The following ITPR1 variants were observed in gnomAD, a reference collection of about 807,000 sequenced individuals.
ITPR1 encodes inositol 1,4,5-trisphosphate receptor type 1, also known as inositol 1,4,5-trisphosphate-gated calcium channel ITPR1.
A neutral mutation model predicts 318.4 loss-of-function variants in ITPR1; 96 were observed. The observed-to-expected ratio is 0.30, with a 90% CI of 0.26 to 0.36. The LOEUF is 0.36. Ranked by LOEUF, ITPR1 falls within the 10% of genes least tolerant of loss-of-function variation. ITPR1 has a pLI of 1.00. For missense variants in ITPR1, 2,440 were observed against 3,460.2 expected (o/e 0.71, Z 7.40); for synonymous variants, 1,312 against 1,289.9 (o/e 1.02, Z -0.37).
chr3:4,690,200 A>G (rs1005832783), intron 31 of ITPR1, among the ~76,000 whole-genome samples: 2 of 152,198 alleles, frequency 1.3e-5, no homozygotes, highest in Admixed American at 6.5e-5. Context: ...GCTTGAACTC[A>G]GGAGGTGGAG....
Position 4,663,223 on chromosome 3 carries a change from G to T in ITPR1, c.1554+17G>T. 1.3e-6 allele frequency: 2 copies of T among 1,597,534 alleles called. No individual in the cohort carries two copies. Among genetic ancestry groups the T allele is most frequent in the Non-Finnish European group, 1.7e-6 (2 of 1,169,064 alleles). Reference sequence around the variant, plus strand: ...CTCAAGCAGGTCGGTGAGATGTGGCGTACTGGGGATTTGGCTTTATGAGAA... The same window carrying T: ...CTCAAGCAGGTCGGTGAGATGTGGCTTACTGGGGATTTGGCTTTATGAGAA... On this transcript the variant is annotated intron_variant, in intron 16 of 61. Coordinates refer to ENST00000649015, the MANE Select transcript of ITPR1 (RefSeq NM_001378452.1).
At chr3:4,737,926 T>G (rs1029178508) in intron 44 of ITPR1, among the ~76,000 whole-genome samples, 2 of 152,184 alleles carry the variant, frequency 1.3e-5, no homozygotes, top group South Asian at 4.1e-4. Flanking sequence ...CGGATGGAGC[T>G]GGAGACCATT....
At chr3:4,815,961 TAATA>T in intron 59 of ITPR1, among the ~76,000 whole-genome samples, 1 of 149,930 alleles carries the variant, frequency 6.7e-6, no homozygotes, top group East Asian at 2.0e-4. Context: ...CCCCAAATAT[TAATA>T]TTTTATCTCA....
At chr3:4,741,151 C>T (rs1250305852) in intron 44 of ITPR1, among the ~76,000 whole-genome samples, 5 of 152,142 alleles carry the variant, frequency 3.3e-5, no homozygotes, top group Non-Finnish European at 5.9e-5. Flanking sequence ...AGGACAGGGG[C>T]TGTCCTTACC....
At chr3:4,771,013 G>A (rs2046153267) in intron 46 of ITPR1, among the ~76,000 whole-genome samples, 1 of 152,194 alleles carries the variant, frequency 6.6e-6, no homozygotes, top group African/African-American at 2.4e-5. Context: ...GCTGGGGACT[G>A]TTTCTGAGCA....
At chr3:4,506,741 C>CG (rs1241682049) in intron 2 of ITPR1, among the ~76,000 whole-genome samples, 1 of 152,188 alleles carries the variant, frequency 6.6e-6, no homozygotes, top group Non-Finnish European at 1.5e-5. Context: ...TTCTAGAGCC[C>CG]TGGCTGTTCA....
intron 4 of ITPR1, among the ~76,000 whole-genome samples, chr3:4,522,674 A>G (rs1437930202): frequency 6.6e-6 from 1 of 152,242 alleles, no homozygotes; most frequent in African/African-American, 2.4e-5. Flanking sequence ...TGCTGCAAAA[A>G]TGAAATGTTT....
chr3:4,789,727 C>T (rs1450741161), intron 52 of ITPR1, among the ~76,000 whole-genome samples: 1 of 152,216 alleles, frequency 6.6e-6, no homozygotes, highest in Non-Finnish European at 1.5e-5. Flanking sequence ...TCAAGCGATT[C>T]CCCTGCCTTA....
At chr3:4,734,113 G>T (rs779204397) in intron 43 of ITPR1, among the ~76,000 whole-genome samples, 15 of 152,202 alleles carry the variant, frequency 9.9e-5, no homozygotes, top group South Asian at 4.1e-4. Flanking sequence ...AAGCATAGCT[G>T]CCCAGTTCAT....
At chr3:4,505,295 C>T (rs544561671) in intron 2 of ITPR1, among the ~76,000 whole-genome samples, 31 of 152,292 alleles carry the variant, frequency 2.0e-4, no homozygotes, top group East Asian at 1.7e-3. Context: ...TAGGTTCATG[C>T]GATTCTCCTG....
At chr3:4,732,682 C>T (rs1362079468) in intron 42 of ITPR1, among the ~76,000 whole-genome samples, 2 of 152,022 alleles carry the variant, frequency 1.3e-5, no homozygotes, top group African/African-American at 4.8e-5. Flanking sequence ...AATATTTTTT[C>T]GGACCTTGGG....
intron 18 of ITPR1, among the ~76,000 whole-genome samples, chr3:4,668,712 C>T (rs775741863): frequency 9.8e-5 from 15 of 152,294 alleles, no homozygotes; most frequent in South Asian, 4.1e-4. Flanking sequence ...GTGATCTGTC[C>T]GCCTTTGCCT....
At chr3:4,709,710 A>G (rs971888225) in intron 37 of ITPR1, among the ~76,000 whole-genome samples, 3 of 152,234 alleles carry the variant, frequency 2.0e-5, no homozygotes, top group Non-Finnish European at 2.9e-5. Context: ...TTTGCATTTG[A>G]AGACCATCAT....
Position 4,532,214 on chromosome 3 carries a change from A to G in ITPR1, c.163+11120A>G, listed in dbSNP as rs528387691. The stretch of plus-strand genomic sequence containing the variant: ...CAGGTTCTGGACTATATTAGGAACT[A>G]AAATGTTTGTGGAATGAATGAAGAG... On this transcript the variant is annotated intron_variant, in intron 4 of 61. Transcript: ENST00000649015. 3.3e-5 allele frequency among the ~76,000 whole-genome samples: 5 copies of G among 152,294 alleles called. No individual in the cohort carries two copies. In the South Asian group the frequency reaches 1.0e-3, roughly 32 times the overall value.
In ITPR1 at chr3:4,600,114, G is replaced by A. The variant is rs573910424; in HGVS notation, c.164-27649G>A. On this transcript the variant is annotated intron_variant, in intron 4 of 61. Coordinates refer to ENST00000649015, the MANE Select transcript of ITPR1 (RefSeq NM_001378452.1). The stretch of plus-strand genomic sequence containing the variant: ...GCCCGAGCTCTTTCACATAGCATAA[G>A]TATGTTACAATACATTTGTGTTGTA... Among the ~76,000 whole-genome samples, 3 of 152,178 alleles carry A rather than the reference G, an allele frequency of 2.0e-5. No individual in the cohort carries two copies. In the East Asian group the frequency reaches 5.8e-4, roughly 29 times the overall value.
chr3:4,502,546 TTC>T (rs2081099079), intron 2 of ITPR1, among the ~76,000 whole-genome samples: 1 of 151,922 alleles, frequency 6.6e-6, no homozygotes, highest in Non-Finnish European at 1.5e-5. Context: ...GTTCAAGCGA[TTC>T]TCCTGCCTCA....
intron 4 of ITPR1, among the ~76,000 whole-genome samples, chr3:4,614,264 T>C (rs1017976226): frequency 1.4e-4 from 21 of 152,290 alleles, no homozygotes; most frequent in Non-Finnish European, 1.6e-4. Context: ...AGACCTTATC[T>C]TAAAAAACAA....
At chr3:4,676,022 C>A (rs1310487074) in intron 23 of ITPR1, among the ~76,000 whole-genome samples, 1 of 151,996 alleles carries the variant, frequency 6.6e-6, no homozygotes, top group Non-Finnish European at 1.5e-5. Context: ...TAGTTCTGTG[C>A]TCATAACAAG....
intron 4 of ITPR1, among the ~76,000 whole-genome samples, chr3:4,595,513 T>C (rs1194405871): frequency 6.6e-6 from 1 of 152,224 alleles, no homozygotes; most frequent in Non-Finnish European, 1.5e-5. Flanking sequence ...CAATTCCACA[T>C]GAGATTTGGG....
Sources: allele counts gnomAD v4.1 joint callset (sites outside exome capture counted in the v4.1 genomes callset), GRCh38; gene constraint gnomAD v4.1.1; transcripts MANE v1.5; gene names NCBI Gene and HGNC (gene_info 2026-07-23, HGNC 2026-07-21).